Variants in CC2D1A observed in about 807,000 individuals in gnomAD.
The protein encoded by CC2D1A is coiled-coil and C2 domain-containing protein 1A.
CC2D1A carries 68 observed loss-of-function variants against 123.8 expected under a neutral mutation model. The observed-to-expected ratio is 0.55, with a 90% CI of 0.45 to 0.67. The LOEUF is 0.67. CC2D1A is among the 30% of genes least tolerant of loss of function. The pLI, the probability that CC2D1A is intolerant of heterozygous loss-of-function variation, is 0.00. For missense variants in CC2D1A, 1,185 were observed against 1,290.3 expected (o/e 0.92, Z 1.25); for synonymous variants, 477 against 528.0 (o/e 0.90, Z 1.32).
At position 13,920,766 on chromosome 19, in the gene CC2D1A, C is replaced by A. The variant is rs1971384070; in HGVS notation, c.1485C>A (p.Ala495=). ...TGCCCACAGCCCAGCAGCAGCTGGC[C>A]TTCCTAGAGGGCCGCAAGAAGCAGC... ...ATSTRAQQQL[A]FLEGRKKQLL... The change falls in exon 14 of 29, where the codon GCC becomes GCA. Residue 495 remains alanine (A), a synonymous_variant. Transcript: ENST00000318003. The A allele has an allele frequency of 6.2e-7, 1 of 1,613,512 alleles. No homozygotes were observed. The highest frequency in any genetic ancestry group is 1.3e-5 in the African/African-American group (1 of 75,050).
rs577153402 is a variant in CC2D1A, at chr19:13,912,514, G to A, written c.313-14G>A. On this transcript the variant is annotated splice_polypyrimidine_tract_variant and intron_variant, in intron 3 of 28. Transcript: ENST00000318003. ...CAGGCCCTTATATCCTGCCCTGGCT[G>A]TGTGTCCCTGCAGGCGGAGCTAAAT... The A allele has an allele frequency of 9.3e-6, 15 of 1,614,144 alleles. No individual in the cohort carries two copies. Among genetic ancestry groups the A allele is most frequent in the Middle Eastern group, 1.6e-4 (1 of 6,062 alleles).
intron 6 of CC2D1A, among the ~76,000 whole-genome samples, chr19:13,917,497 A>C (rs966919880): frequency 6.6e-6 from 1 of 152,170 alleles, no homozygotes; most frequent in Non-Finnish European, 1.5e-5. Flanking sequence ...CTGTAATCCT[A>C]CTTTGGGAGG....
Position 13,912,555 on chromosome 19 carries a change from G to C in CC2D1A, c.340G>C (p.Glu114Gln). 1 of 1,614,124 alleles carries C rather than the reference G, an allele frequency of 6.2e-7. No individual in the cohort carries two copies. The highest frequency in any genetic ancestry group is 8.5e-7 in the Non-Finnish European group (1 of 1,180,036). ...GGAGCTAAATGAGGTCCTTGGAGAG[G>C]AGCAGAAGGCTTCAGAGACCCCACC... is the stretch of plus-strand genomic sequence containing the variant. The part of the protein sequence containing the change: ...LAELNEVLGE[E>Q]QKASETPPPV... Residue 114 changes from glutamate (E) to glutamine (Q), a missense_variant, in exon 4 of 29, where the codon GAG (glutamate) becomes CAG (glutamine). Transcript: ENST00000318003.
intron 1 of CC2D1A, among the ~76,000 whole-genome samples, chr19:13,909,399 C>CTT (rs1205301058): frequency 2.1e-5 from 3 of 145,166 alleles, no homozygotes; most frequent in Admixed American, 6.9e-5. Flanking sequence ...AAACAAAAAA[C>CTT]TTTTTTTTTT....
At chr19:13,910,637 A>T (rs750106328) in intron 2 of CC2D1A, among the ~76,000 whole-genome samples, 2 of 152,102 alleles carry the variant, frequency 1.3e-5, no homozygotes, top group Non-Finnish European at 2.9e-5. Flanking sequence ...TCAGCCAGGC[A>T]CATTGGCTCA....
intron 12 of CC2D1A, chr19:13,920,244 T>C (rs1971361734): frequency 2.0e-6 from 1 of 512,604 alleles, no homozygotes; most frequent in Admixed American, 3.8e-5. Context: ...GAGCAAGACC[T>C]CATCTCCAAG....
rs1316429099 is a variant in CC2D1A at position 13,920,680 on chromosome 19, C to T, written c.1468+12C>T. The T allele has an allele frequency of 6.2e-7, 1 of 1,606,546 alleles. No homozygotes were observed. Among genetic ancestry groups the T allele is most frequent in the Non-Finnish European group, 8.5e-7 (1 of 1,176,040 alleles). ...CACATCCACCAGAGGTAAGTTCCCC[C>T]TCCCCGCCCCAGCTGCCTGTTGCCT... On this transcript the variant is annotated intron_variant, in intron 13 of 28. Coordinates refer to ENST00000318003, the MANE Select transcript of CC2D1A (RefSeq NM_017721.5).
chr19:13,907,164 C>A (rs955189626), intron 1 of CC2D1A, among the ~76,000 whole-genome samples: 29 of 152,050 alleles, frequency 1.9e-4, no homozygotes, highest in Admixed American at 1.6e-3. Flanking sequence ...CCCAGCACTT[C>A]AGGAGATGGA....
In CC2D1A at chr19:13,926,655, G is replaced by T. The variant is rs1261923365; in HGVS notation, c.2015-12G>T. The T allele has an allele frequency of 6.2e-7, 1 of 1,614,062 alleles. No individual in the cohort carries two copies. The highest frequency in any genetic ancestry group is 8.5e-7 in the Non-Finnish European group (1 of 1,180,048). The stretch of plus-strand genomic sequence containing the variant: ...CCCTCTCTGCCCAGCTCTGACCGTT[G>T]TTTGCCCACAGGACTGTCCCCTGGC... On this transcript the variant is annotated splice_polypyrimidine_tract_variant and intron_variant, in intron 18 of 28. Transcript: ENST00000318003.
At chr19:13,913,927 G>A (rs951203333) in intron 6 of CC2D1A, among the ~76,000 whole-genome samples, 1 of 152,132 alleles carries the variant, frequency 6.6e-6, no homozygotes, top group Admixed American at 6.6e-5. Flanking sequence ...TGTTGCCCAG[G>A]CTGGAGCGCA....
At position 13,930,294 on chromosome 19, in the gene CC2D1A, G is replaced by A. The variant is rs375569140; in HGVS notation, c.2835+5G>A. The stretch of plus-strand genomic sequence containing the variant: ...CGGAATCTGGTAGAGAGTGAGGTAA[G>A]CAGCTTAGGAGATGGGGTGGTTGGG... On this transcript the variant is annotated splice_donor_5th_base_variant and intron_variant, in intron 28 of 28. Transcript: ENST00000318003. This position sits in a 1 kb window ranked among gnomAD's most constrained non-coding sequence, Gnocchi z 6.8. 2 of 1,613,824 alleles carry A rather than the reference G, an allele frequency of 1.2e-6. No homozygotes were observed. Among genetic ancestry groups the A allele is most frequent in the African/African-American group, 2.7e-5 (2 of 74,894 alleles).
intron 14 of CC2D1A, 56 bp downstream of exon 14, chr19:13,920,978 C>A: frequency 6.7e-7 from 1 of 1,498,518 alleles, no homozygotes; most frequent in Non-Finnish European, 9.0e-7. Context: ...AGGCTCCTGC[C>A]CCTTAGCAGC....
intron 1 of CC2D1A, among the ~76,000 whole-genome samples, chr19:13,907,597 G>A (rs866469148): frequency 5.9e-5 from 9 of 151,878 alleles, no homozygotes; most frequent in Non-Finnish European, 1.2e-4. Context: ...CGCTTGAACC[G>A]AGAGGCGGAG....
chr19:13,926,471 CCT>C (rs780369795), intron 17 of CC2D1A, 44 bp from the exon 18 acceptor site: 54 of 1,576,448 alleles, frequency 3.4e-5, no homozygotes, highest in Non-Finnish European at 4.2e-5. Context: ...GACTGAGGTG[CCT>C]CTGTTTCCCT....
intron 2 of CC2D1A, among the ~76,000 whole-genome samples, chr19:13,911,424 TTGTCATCCCCG>T (rs1346508350): frequency 1.3e-5 from 2 of 152,190 alleles, no homozygotes; most frequent in African/African-American, 4.8e-5. Context: ...GGAGGAACTG[TTGTCATCCCCG>T]TGTCACAGAG....
chr19:13,907,386 T>C (rs1211334098), intron 1 of CC2D1A, among the ~76,000 whole-genome samples: 2 of 152,048 alleles, frequency 1.3e-5, no homozygotes, highest in Non-Finnish European at 2.9e-5. Flanking sequence ...TGCTCCAGCC[T>C]GGGTGACAGA....
rs776697631 is a variant in CC2D1A at position 13,928,045 on chromosome 19, C to A, written c.2454+15C>A. ...CTGTGCCCACAGTGAGACCCCCCAC[C>A]CCCACCCATCAGCAACCCCAGGGAG... On this transcript the variant is annotated intron_variant, in intron 23 of 28. Coordinates refer to ENST00000318003, the MANE Select transcript of CC2D1A (RefSeq NM_017721.5). 1.9e-5 allele frequency: 30 copies of A among 1,612,966 alleles called. No individual in the cohort carries two copies. Among genetic ancestry groups the A allele is most frequent in the Non-Finnish European group, 2.5e-5 (30 of 1,179,528 alleles).
Position 13,930,145 on chromosome 19 carries a change from T to C in CC2D1A, c.2778T>C (p.Asp926=). 1 of 1,613,196 alleles carries C rather than the reference T, an allele frequency of 6.2e-7. No individual in the cohort carries two copies. Residue 926 remains aspartate (D), a synonymous_variant, in exon 27 of 29, where the codon GAT becomes GAC. Coordinates refer to ENST00000318003, the MANE Select transcript of CC2D1A (RefSeq NM_017721.5). This position sits in a 1 kb window ranked among gnomAD's most constrained non-coding sequence, Gnocchi z 6.8. ...YTEAARRLGN[D]GSRDAAKEAL... is the part of the protein sequence containing the mutation. ...AGGCTGCCCGGCGCCTGGGCAACGATGGCAGCAGGGTGAGCTGGTCGCGGG... is the reference window on the plus strand; with the variant it reads ...AGGCTGCCCGGCGCCTGGGCAACGACGGCAGCAGGGTGAGCTGGTCGCGGG...
In CC2D1A at chr19:13,927,313, C is replaced by G. The variant is rs373232030; in HGVS notation, c.2316+48C>G. 35 of 1,461,106 alleles carry G rather than the reference C, an allele frequency of 2.4e-5. No individual in the cohort carries two copies. In the East Asian group the frequency reaches 7.7e-4, roughly 32 times the overall value. The allele number at this position is 1,461,106 out of a possible 1,614,324, so 90.5% of individuals were successfully genotyped here. A position where few individuals can be genotyped will look rare whatever the true frequency, so the allele number is the denominator to read the frequency against. On this transcript the variant is annotated intron_variant, in intron 22 of 28. Transcript: ENST00000318003. ...CGTGCTCCGGTATGGCCATGCTACT[C>G]GTTAACATTATTAAAACACTTCCTG...
Sources: allele counts gnomAD v4.1 joint callset (sites outside exome capture counted in the v4.1 genomes callset), GRCh38; gene constraint gnomAD v4.1.1; non-coding constraint Gnocchi (gnomAD v3.1); transcripts MANE v1.5; gene names NCBI Gene and HGNC (gene_info 2026-07-23, HGNC 2026-07-21).